The following ARHGAP44 variants were observed in gnomAD, a reference collection of about 807,000 sequenced individuals.
The protein encoded by ARHGAP44 is Rho GTPase activating protein 44.
In ARHGAP44, 43 loss-of-function variants were observed where a neutral mutation model predicts 106.8. The observed-to-expected ratio is 0.40, with a 90% CI of 0.32 to 0.52. The LOEUF (loss-of-function observed/expected upper bound fraction) is 0.52. ARHGAP44 is among the 20% of genes least tolerant of loss of function. The pLI, the probability that ARHGAP44 is intolerant of heterozygous loss-of-function variation, is 0.48. For synonymous variants in ARHGAP44, 439 were observed against 410.3 expected (o/e 1.07, Z -0.85); for missense variants, 866 against 1,050.5 (o/e 0.82, Z 2.43).
chr17:12,976,271 C>G (rs1164992190), intron 18 of ARHGAP44, among the ~76,000 whole-genome samples: 1 of 152,082 alleles, frequency 6.6e-6, no homozygotes, highest in Non-Finnish European at 1.5e-5. Context: ...CAACCCCCTA[C>G]ATGAGAGGCT....
At position 12,974,223 on chromosome 17, in the gene ARHGAP44, C is replaced by A. The variant is rs369864245; in HGVS notation, c.1676C>A (p.Pro559Gln). ...PAELAAPLPS[P>Q]LPEQPLDSPA... ...GAGCTGGCTGCGCCCCTGCCTTCGC[C>A]GCTGCCGGAGCAGCCCCTGGACAGC... is the stretch of plus-strand genomic sequence containing the variant. The change falls in exon 18 of 21, where the codon CCG becomes CAG. Residue 559 changes from proline (P) to glutamine (Q), a missense_variant. Coordinates refer to ENST00000379672, the MANE Select transcript of ARHGAP44 (RefSeq NM_014859.6). 1.3e-6 allele frequency: 2 copies of A among 1,546,282 alleles called. No homozygotes were observed. The highest frequency in any genetic ancestry group is 1.2e-5 in the South Asian group (1 of 83,838).
intron 1 of ARHGAP44, among the ~76,000 whole-genome samples, chr17:12,849,070 C>A (rs528439544): frequency 1.3e-5 from 2 of 151,052 alleles, no homozygotes; most frequent in East Asian, 3.9e-4. Context: ...AAAAAGTTGA[C>A]TAGATTCTAG....
chr17:12,808,532 C>A (rs988646712), intron 1 of ARHGAP44, among the ~76,000 whole-genome samples: 3 of 152,266 alleles, frequency 2.0e-5, no homozygotes, highest in Admixed American at 6.5e-5. Context: ...AGGCATAGGG[C>A]TTGCATCCTC....
intron 2 of ARHGAP44, among the ~76,000 whole-genome samples, chr17:12,895,257 G>A (rs1350838127): frequency 6.6e-6 from 1 of 152,042 alleles, no homozygotes; most frequent in Non-Finnish European, 1.5e-5. Flanking sequence ...AAGTTTTTTT[G>A]TCTTTTACGA....
chr17:12,813,601 CTG>C (rs2150783358), intron 1 of ARHGAP44, among the ~76,000 whole-genome samples: 1 of 152,242 alleles, frequency 6.6e-6, no homozygotes, highest in East Asian at 1.9e-4. Context: ...AAGAATTAAT[CTG>C]TATCTGCTCC....
chr17:12,936,004 A>G (rs1276994943), intron 7 of ARHGAP44, among the ~76,000 whole-genome samples: 2 of 152,336 alleles, frequency 1.3e-5, no homozygotes, highest in South Asian at 2.1e-4. Flanking sequence ...TACCTTTGAA[A>G]TGATTTTTTA....
intron 1 of ARHGAP44, among the ~76,000 whole-genome samples, chr17:12,824,106 A>G (rs1281073183): frequency 6.6e-6 from 1 of 152,030 alleles, no homozygotes; most frequent in Non-Finnish European, 1.5e-5. Context: ...GCAGGAAATA[A>G]TGGATTTCCT....
At chr17:12,930,327 A>G (rs1332851143) in intron 7 of ARHGAP44, among the ~76,000 whole-genome samples, 1 of 151,688 alleles carries the variant, frequency 6.6e-6, no homozygotes, top group Non-Finnish European at 1.5e-5. Flanking sequence ...TCCGTCTCCC[A>G]GGTTGAAGTG....
intron 1 of ARHGAP44, among the ~76,000 whole-genome samples, chr17:12,855,063 A>G (rs1040609820): frequency 6.6e-6 from 1 of 151,660 alleles, no homozygotes; most frequent in Non-Finnish European, 1.5e-5. Context: ...AGGCTTTAGG[A>G]TTACTTTAGG....
intron 1 of ARHGAP44, among the ~76,000 whole-genome samples, chr17:12,866,061 G>A (rs185144106): frequency 2.6e-5 from 4 of 152,210 alleles, no homozygotes; most frequent in Admixed American, 6.5e-5. Flanking sequence ...AGTTGGGGGT[G>A]GAAGACACTG....
intron 1 of ARHGAP44, among the ~76,000 whole-genome samples, chr17:12,859,924 T>C (rs895447844): frequency 1.3e-5 from 2 of 152,086 alleles, no homozygotes; most frequent in Middle Eastern, 3.4e-3. Context: ...CAAGCTTAAA[T>C]CTCTGTGGTT....
intron 3 of ARHGAP44, among the ~76,000 whole-genome samples, chr17:12,901,324 C>T (rs556649509): frequency 2.0e-5 from 3 of 152,192 alleles, no homozygotes; most frequent in Non-Finnish European, 2.9e-5. Flanking sequence ...GATGGGATCA[C>T]GCCTTACAGG....
At chr17:12,796,136 ATATC>A (rs67730348) in intron 1 of ARHGAP44, among the ~76,000 whole-genome samples, 143,746 of 150,276 alleles carry the variant, frequency 0.96, 68,910 homozygotes, top group Non-Finnish European at 0.99. Flanking sequence ...TTTGAGAAGT[ATATC>A]TATCTATCTA....
intron 1 of ARHGAP44, among the ~76,000 whole-genome samples, chr17:12,886,041 G>C (rs559643546): frequency 1.3e-5 from 2 of 152,130 alleles, no homozygotes; most frequent in East Asian, 3.9e-4. Flanking sequence ...GTACAAATGG[G>C]CCAGGGTTCA....
chr17:12,894,846 T>C, intron 1 of ARHGAP44, 94 bp from the exon 2 acceptor site: 1 of 1,140,112 alleles, frequency 8.8e-7, no homozygotes, highest in East Asian at 2.6e-5. Context: ...TGTCTCTGTT[T>C]TTCTGGTATT....
chr17:12,828,892 C>T (rs1415752993), intron 1 of ARHGAP44, among the ~76,000 whole-genome samples: 1 of 151,694 alleles, frequency 6.6e-6, no homozygotes, highest in African/African-American at 2.4e-5. Context: ...CCGCCCACCT[C>T]GGCCTCCCAA....
At chr17:12,918,864 G>A (rs2037992320) in intron 5 of ARHGAP44, among the ~76,000 whole-genome samples, 2 of 152,166 alleles carry the variant, frequency 1.3e-5, no homozygotes, top group Admixed American at 6.5e-5. Flanking sequence ...GGTGAGGGCA[G>A]GAAAGTGGCC....
chr17:12,803,639 G>C (rs2034187035), intron 1 of ARHGAP44, among the ~76,000 whole-genome samples: 1 of 152,064 alleles, frequency 6.6e-6, no homozygotes, highest in African/African-American at 2.4e-5. Context: ...TTAAATTTCT[G>C]TATCTTAATT....
intron 1 of ARHGAP44, among the ~76,000 whole-genome samples, chr17:12,828,633 T>A (rs1313317768): frequency 7.4e-6 from 1 of 135,170 alleles, no homozygotes; most frequent in Non-Finnish European, 1.5e-5. Flanking sequence ...TTTTTTTTTC[T>A]TTCTTTTTTT....
Sources: allele counts gnomAD v4.1 joint callset (sites outside exome capture counted in the v4.1 genomes callset), GRCh38; gene constraint gnomAD v4.1.1; transcripts MANE v1.5; gene names NCBI Gene and HGNC (gene_info 2026-07-23, HGNC 2026-07-21).